The following RBFOX1 variants were observed in gnomAD, a reference collection of about 807,000 sequenced individuals.
RBFOX1 encodes the protein RNA binding protein fox-1 homolog 1.
RBFOX1 carries 8 observed loss-of-function variants against 57.7 expected under a neutral mutation model. The observed-to-expected ratio is 0.14, with a 90% CI of 0.08 to 0.25. The LOEUF (loss-of-function observed/expected upper bound fraction) is 0.25, where lower values mean the gene tolerates loss of function less well. RBFOX1 is among the 10% of genes least tolerant of loss of function. The pLI is 1.00. For synonymous variants in RBFOX1, 326 were observed against 222.4 expected, an observed-to-expected ratio of 1.47 and a Z score of -4.15; for missense variants, 611 against 548.5, an observed-to-expected ratio of 1.11 and a Z score of -1.14.
chr16:5,472,599 A>C (rs1229525492), intron 2 of RBFOX1, among the ~76,000 whole-genome samples: 1 of 151,936 alleles, frequency 6.6e-6, no homozygotes, highest in Non-Finnish European at 1.5e-5. Flanking sequence ...AGGCTCCTTA[A>C]TTATTTCTTA....
rs192069243 is a variant in RBFOX1 at position 5,378,815 on chromosome 16, C to T, written c.220-88401C>T. ...GTAAAGTGATTAGCATAGTGCTGGG[C>T]ATACAGTAGGTGCTTAGAAAATGTT... On this transcript the variant is annotated intron_variant, in intron 1 of 2. Coordinates refer to the RBFOX1 transcript ENST00000585867. Among the ~76,000 whole-genome samples, 278 of 151,658 alleles carry T rather than the reference C, an allele frequency of 1.8e-3. 8 individuals are homozygous for T. Among genetic ancestry groups the T allele is most frequent in the African/African-American group, 6.4e-3 (261 of 40,952 alleles).
At chr16:5,303,334 A>T (rs925244549) in intron 1 of RBFOX1, among the ~76,000 whole-genome samples, 5 of 152,154 alleles carry the variant, frequency 3.3e-5, no homozygotes, top group African/African-American at 1.2e-4. Flanking sequence ...GCAGAGGATT[A>T]TTTGCAGATA....
intron 3 of RBFOX1, among the ~76,000 whole-genome samples, chr16:5,617,887 T>C (rs756451214): frequency 1.3e-5 from 2 of 152,202 alleles, no homozygotes; most frequent in Non-Finnish European, 2.9e-5. Flanking sequence ...TGTGACATTA[T>C]GAAAGGTAAC....
chr16:7,319,199 G>A (rs1423077007), intron 4 of RBFOX1, among the ~76,000 whole-genome samples: 1 of 152,134 alleles, frequency 6.6e-6, no homozygotes, highest in Non-Finnish European at 1.5e-5. Context: ...AGTGAGGTCT[G>A]TGCCGTAATC....
chr16:6,533,369 T>C (rs1467913448), intron 2 of RBFOX1, among the ~76,000 whole-genome samples: 1 of 152,152 alleles, frequency 6.6e-6, no homozygotes, highest in African/African-American at 2.4e-5. Flanking sequence ...GAAGGTACCA[T>C]TAGGATCCCT....
At chr16:7,023,859 A>G (rs1456438738) in intron 3 of RBFOX1, among the ~76,000 whole-genome samples, 3 of 152,070 alleles carry the variant, frequency 2.0e-5, no homozygotes, top group Admixed American at 6.6e-5. Context: ...CATCATCCCT[A>G]TATATATTTC....
chr16:6,604,288 C>G (rs1368784815), intron 2 of RBFOX1, among the ~76,000 whole-genome samples: 2 of 151,976 alleles, frequency 1.3e-5, no homozygotes, highest in East Asian at 3.9e-4. Flanking sequence ...AAAAAAACCT[C>G]AATAAATATT....
chr16:5,657,701 TCTG>T (rs1567357145), intron 3 of RBFOX1, among the ~76,000 whole-genome samples: 8 of 125,954 alleles, frequency 6.4e-5, no homozygotes, highest in East Asian at 5.9e-4. Flanking sequence ...TCTTTCTCCT[TCTG>T]TCTTTCTCTC....
chr16:6,475,355 G>C (rs1487011216), intron 2 of RBFOX1, among the ~76,000 whole-genome samples: 3 of 152,182 alleles, frequency 2.0e-5, no homozygotes, highest in Non-Finnish European at 4.4e-5. Context: ...AGATGGAATG[G>C]ATATTCGGTT....
intron 4 of RBFOX1, among the ~76,000 whole-genome samples, chr16:5,976,300 TA>T (rs1369588635): frequency 6.6e-6 from 1 of 152,144 alleles, no homozygotes; most frequent in Non-Finnish European, 1.5e-5. Flanking sequence ...GCACACGAGT[TA>T]GGAAAACATC....
intron 3 of RBFOX1, among the ~76,000 whole-genome samples, chr16:5,690,705 G>A (rs1248056783): frequency 1.3e-5 from 2 of 152,104 alleles, no homozygotes; most frequent in African/African-American, 2.4e-5. Flanking sequence ...TCAAATGAAT[G>A]GGTACAGAAA....
intron 3 of RBFOX1, among the ~76,000 whole-genome samples, chr16:6,843,681 T>C (rs955012745): frequency 3.9e-5 from 6 of 152,118 alleles, no homozygotes; most frequent in Non-Finnish European, 7.4e-5. Context: ...AGAGCGAGAC[T>C]CCATCTCAAA....
intron 3 of RBFOX1, among the ~76,000 whole-genome samples, chr16:5,859,835 T>C (rs549239909): frequency 6.6e-6 from 1 of 152,372 alleles, no homozygotes; most frequent in South Asian, 2.1e-4. Flanking sequence ...CCGTTTATTA[T>C]ACCTCAAGAT....
At chr16:5,571,595 T>C (rs766491707) in intron 2 of RBFOX1, among the ~76,000 whole-genome samples, 53 of 152,250 alleles carry the variant, frequency 3.5e-4, no homozygotes, top group Non-Finnish European at 5.7e-4. Flanking sequence ...CCAGAAGATA[T>C]GCTGAGTGCA....
At chr16:6,652,807 G>GA (rs2098607296) in intron 2 of RBFOX1, among the ~76,000 whole-genome samples, 1 of 152,098 alleles carries the variant, frequency 6.6e-6, no homozygotes, top group Non-Finnish European at 1.5e-5. Flanking sequence ...GTGGAAAAAT[G>GA]AAAAAATTCT....
intron 4 of RBFOX1, among the ~76,000 whole-genome samples, chr16:5,902,428 T>A (rs1166476349): frequency 1.3e-5 from 2 of 152,126 alleles, no homozygotes; most frequent in Non-Finnish European, 2.9e-5. Flanking sequence ...TTATTTTTAT[T>A]TTTGAGATGG....
At chr16:6,192,037 T>C (rs946698305) in intron 1 of RBFOX1, among the ~76,000 whole-genome samples, 11 of 152,168 alleles carry the variant, frequency 7.2e-5, no homozygotes, top group Admixed American at 3.3e-4. Flanking sequence ...AACATTTCTG[T>C]TACTTCTAGG....
intron 4 of RBFOX1, among the ~76,000 whole-genome samples, chr16:7,476,729 C>G (rs923167817): frequency 2.0e-5 from 3 of 152,182 alleles, no homozygotes; most frequent in African/African-American, 4.8e-5. Context: ...AAGCATTGCT[C>G]TGTATCCTTG....
At chr16:6,279,550 C>A (rs193230970) in intron 1 of RBFOX1, among the ~76,000 whole-genome samples, 15 of 152,216 alleles carry the variant, frequency 9.9e-5, no homozygotes, top group Admixed American at 7.2e-4. Context: ...CCCTCTGATA[C>A]GCTTGTGTAA....
Sources: gnomAD v4.1 joint callset for allele counts (sites outside exome capture counted in the v4.1 genomes callset) on GRCh38, gnomAD v4.1.1 for gene constraint, MANE v1.5 for transcripts, NCBI Gene and HGNC (gene_info 2026-07-23, HGNC 2026-07-21) for gene names.